TMEFF2: variants seen among roughly 807,000 people sequenced by gnomAD.
TMEFF2 encodes the protein tomoregulin-2.
Under a neutral mutation model 53.8 loss-of-function variants are expected in TMEFF2, and 28 were observed. The ratio of observed to expected loss-of-function variants is 0.52; its 90% CI spans 0.39 to 0.71. The LOEUF is 0.71. Ranked by LOEUF, TMEFF2 falls within the 30% of genes least tolerant of loss-of-function variation. The pLI, the probability that TMEFF2 is intolerant of heterozygous loss-of-function variation, is 0.00. For synonymous variants in TMEFF2, 162 were observed against 166.3 expected (o/e 0.97, Z 0.20); for missense variants, 353 against 455.2 (o/e 0.78, Z 2.04).
intron 4 of TMEFF2, among the ~76,000 whole-genome samples, chr2:192,075,308 T>TAAAA (rs1331065027): frequency 2.9e-5 from 2 of 67,946 alleles, no homozygotes; most frequent in South Asian, 4.3e-4. Context: ...TATATATATA[T>TAAAA]ATATATATAT....
chr2:191,990,465 A>G (rs1317071412), intron 7 of TMEFF2, among the ~76,000 whole-genome samples: 1 of 136,956 alleles, frequency 7.3e-6, no homozygotes, highest in Non-Finnish European at 1.6e-5. Context: ...CTTAAATTCT[A>G]TTTACTAGGT....
chr2:191,953,886 T>C, intron 8 of TMEFF2, 49 bp from the exon 9 acceptor site: 1 of 712,104 alleles, frequency 1.4e-6, no homozygotes, highest in Non-Finnish European at 1.9e-6. Context: ...TGCATTCATT[T>C]TTTTTTTTTT....
chr2:192,122,039 A>G (rs1017784163), intron 4 of TMEFF2, among the ~76,000 whole-genome samples: 3 of 152,232 alleles, frequency 2.0e-5, no homozygotes, highest in Non-Finnish European at 2.9e-5. Context: ...TAGCTGGAAG[A>G]GAGAATTTTG....
chr2:191,952,924 G>A (rs1691931505), intron 9 of TMEFF2, among the ~76,000 whole-genome samples: 2 of 152,186 alleles, frequency 1.3e-5, no homozygotes, highest in South Asian at 4.1e-4. Flanking sequence ...GTGAAATCAA[G>A]TCAGTAAGGA....
intron 4 of TMEFF2, among the ~76,000 whole-genome samples, chr2:192,110,998 T>C (rs1409290465): frequency 2.0e-5 from 3 of 152,146 alleles, no homozygotes; most frequent in South Asian, 4.1e-4. Context: ...TTTGCCATGA[T>C]TGTGAGGCCT....
At chr2:191,983,641 C>T (rs1326879237) in intron 7 of TMEFF2, among the ~76,000 whole-genome samples, 2 of 152,154 alleles carry the variant, frequency 1.3e-5, no homozygotes. Flanking sequence ...GAGCCTTGCA[C>T]AGCTCTGAAG....
At chr2:192,131,499 A>G (rs1689827759) in intron 4 of TMEFF2, among the ~76,000 whole-genome samples, 1 of 151,868 alleles carries the variant, frequency 6.6e-6, no homozygotes, top group Admixed American at 6.6e-5. Context: ...AGAACCCCCA[A>G]TCCCTTATTT....
chr2:192,032,026 T>C (rs1298148609), intron 5 of TMEFF2: 2 of 152,238 alleles, frequency 1.3e-5, no homozygotes, highest in Admixed American at 6.5e-5. Context: ...ATAAAATTGA[T>C]TGGTCTGTTG....
At chr2:192,007,838 T>C (rs1003021686) in intron 5 of TMEFF2, among the ~76,000 whole-genome samples, 1 of 152,136 alleles carries the variant, frequency 6.6e-6, no homozygotes, top group Non-Finnish European at 1.5e-5. Context: ...ATTCACTATA[T>C]GGAAGAAAAG....
At chr2:192,107,091 A>C (rs1188852988) in intron 4 of TMEFF2, among the ~76,000 whole-genome samples, 1 of 151,822 alleles carries the variant, frequency 6.6e-6, no homozygotes, top group African/African-American at 2.4e-5. Context: ...AAAGAGAGTT[A>C]AAATGAGTTC....
chr2:192,120,007 T>A (rs1574390025), intron 4 of TMEFF2, among the ~76,000 whole-genome samples: 1 of 152,138 alleles, frequency 6.6e-6, no homozygotes, highest in African/African-American at 2.4e-5. Context: ...CTAGTAAATA[T>A]TATGATAGGA....
At chr2:192,179,941 T>C (rs907439494) in intron 3 of TMEFF2, among the ~76,000 whole-genome samples, 5 of 151,514 alleles carry the variant, frequency 3.3e-5, no homozygotes, top group Non-Finnish European at 7.4e-5. Context: ...GTTTGGAAAA[T>C]TTCCTAATCT....
intron 4 of TMEFF2, among the ~76,000 whole-genome samples, chr2:192,147,642 TA>T (rs959247277): frequency 6.6e-6 from 1 of 151,900 alleles, no homozygotes; most frequent in Non-Finnish European, 1.5e-5. Flanking sequence ...CAACAAACGT[TA>T]AAAAAAATTA....
chr2:192,066,406 T>C (rs1483841665), intron 4 of TMEFF2, among the ~76,000 whole-genome samples: 2 of 151,802 alleles, frequency 1.3e-5, no homozygotes, highest in Non-Finnish European at 2.9e-5. Flanking sequence ...CACTTAAACA[T>C]AACGGTTTAC....
intron 5 of TMEFF2, among the ~76,000 whole-genome samples, chr2:192,000,784 A>G (rs1686338397): frequency 6.6e-6 from 1 of 152,196 alleles, no homozygotes; most frequent in Non-Finnish European, 1.5e-5. Flanking sequence ...TTATTTTGTA[A>G]GAGAATTGCT....
chr2:192,094,519 T>C (rs1440607198), intron 4 of TMEFF2, among the ~76,000 whole-genome samples: 5 of 151,076 alleles, frequency 3.3e-5, no homozygotes, highest in Admixed American at 6.6e-5. Flanking sequence ...TGTGTTTGTG[T>C]GTGTTTGGTC....
At chr2:192,082,225 AG>A (rs1688571124) in intron 4 of TMEFF2, among the ~76,000 whole-genome samples, 1 of 152,278 alleles carries the variant, frequency 6.6e-6, no homozygotes, top group Non-Finnish European at 1.5e-5. Flanking sequence ...TTTTAAATCA[AG>A]GAATGTTAAA....
intron 4 of TMEFF2, among the ~76,000 whole-genome samples, chr2:192,078,488 A>G (rs1358493359): frequency 2.0e-5 from 3 of 152,166 alleles, no homozygotes; most frequent in Admixed American, 6.6e-5. Context: ...TTGGATCTGG[A>G]CAGCAATAGA....
chr2:192,010,616 TG>T (rs1686604974), intron 5 of TMEFF2, among the ~76,000 whole-genome samples: 1 of 152,156 alleles, frequency 6.6e-6, no homozygotes, highest in South Asian at 2.1e-4. Flanking sequence ...AGCACCTACT[TG>T]GTACCAGGTA....
Sources: gnomAD v4.1 joint callset for allele counts (sites outside exome capture counted in the v4.1 genomes callset) on GRCh38, gnomAD v4.1.1 for gene constraint, MANE v1.5 for transcripts, NCBI Gene and HGNC (gene_info 2026-07-23, HGNC 2026-07-21) for gene names.